Variants in OPA3 observed in about 807,000 individuals in gnomAD.
The protein encoded by OPA3 is optic atrophy 3 protein.
In OPA3, 6 loss-of-function variants were observed where a neutral mutation model predicts 4.0. The observed-to-expected ratio is 1.51, with a 90% CI of 0.83 to 2.99. OPA3 has a LOEUF of 2.99. OPA3 is among the 30% of genes most tolerant of loss of function. The pLI is 0.00. For synonymous variants in OPA3, 105 were observed against 117.1 expected, an observed-to-expected ratio of 0.90 and a Z score of 0.67; for missense variants, 235 against 256.2, an observed-to-expected ratio of 0.92 and a Z score of 0.56.
At chr19:45,583,835 C>A (rs2122527033) in intron 1 of OPA3, among the ~76,000 whole-genome samples, 1 of 152,288 alleles carries the variant, frequency 6.6e-6, no homozygotes, top group Admixed American at 6.5e-5. Context: ...CTCGGGCGGC[C>A]CCCTCTAGGC....
chr19:45,563,223 G>C (rs1340217011), intron 1 of OPA3, among the ~76,000 whole-genome samples: 1 of 152,084 alleles, frequency 6.6e-6, no homozygotes, highest in Non-Finnish European at 1.5e-5. Context: ...GCAGTGGCTC[G>C]ATCTTGGCTC....
intron 1 of OPA3, among the ~76,000 whole-genome samples, chr19:45,573,495 T>A (rs1438007188): frequency 6.6e-6 from 1 of 152,048 alleles, no homozygotes; most frequent in Non-Finnish European, 1.5e-5. Flanking sequence ...AATAAACATG[T>A]ACAGAGTACT....
At chr19:45,582,637 C>T (rs1969873497) in intron 1 of OPA3, among the ~76,000 whole-genome samples, 1 of 151,802 alleles carries the variant, frequency 6.6e-6, no homozygotes, top group Non-Finnish European at 1.5e-5. Context: ...CACAGGGAGT[C>T]GGAGCTGTCT....
rs779844856 is a variant in OPA3 at position 45,529,419 on chromosome 19, G to C, written c.180C>G (p.Ile60Met). 6 of 1,614,206 alleles carry C rather than the reference G, an allele frequency of 3.7e-6. No homozygotes were observed. In the South Asian group the frequency reaches 6.6e-5, roughly 18 times the overall value. The change falls in exon 2 of 2, where the codon ATC becomes ATG. Residue 60 changes from isoleucine (I) to methionine (M), a missense_variant. Ile to Met is a conservative substitution (Grantham distance 10). Coordinates refer to the OPA3 transcript ENST00000323060. Reference sequence around the variant, plus strand: ...TGATGGCAGCGGCATTGAAACCCATGATGCGCATTTTGGTCCGCATCTCCA... The same window carrying C: ...TGATGGCAGCGGCATTGAAACCCATCATGCGCATTTTGGTCCGCATCTCCA...
Position 45,564,792 on chromosome 19 carries a change from A to C in OPA3, c.143-10881T>G, listed in dbSNP as rs1390964435. ...TTGCATTGTTCCCTGCTATCTTTGA[A>C]GTTCCACCTACATTTTACTTTCTCT... On this transcript the variant is annotated intron_variant, in intron 1 of 1. Coordinates refer to ENST00000263275, the MANE Select transcript of OPA3 (RefSeq NM_025136.4). Among the ~76,000 whole-genome samples, 3 of 152,342 alleles carry C rather than the reference A, an allele frequency of 2.0e-5. No individual in the cohort carries two copies. In the East Asian group the frequency reaches 5.8e-4, roughly 29 times the overall value.
At position 45,553,152 on chromosome 19, in the gene OPA3, A is replaced by G. The variant is rs73942919; in HGVS notation, c.*362T>C. On this transcript the variant is annotated 3_prime_UTR_variant, in exon 2 of 2. Coordinates refer to ENST00000263275, the MANE Select transcript of OPA3 (RefSeq NM_025136.4). ...GATGAGTGTCCCAGTAAAGGTTAAC[A>G]CTGATCAGGTAAACCGGGGGTGGGG... The G allele has an allele frequency of 1.0e-3, 1,287 of 1,242,134 alleles. 9 individuals carry two copies. The African/African-American group carries it at 0.018, about 17-fold the overall frequency. 76.9% of individuals were successfully genotyped at this position (1,242,134 alleles called of 1,614,324 possible).
At chr19:45,582,576 G>A (rs2122524285) in intron 1 of OPA3, among the ~76,000 whole-genome samples, 1 of 152,216 alleles carries the variant, frequency 6.6e-6, no homozygotes, top group South Asian at 2.1e-4. Flanking sequence ...ATAACTTGAT[G>A]GGTGAGGGGA....
intron 1 of OPA3, among the ~76,000 whole-genome samples, chr19:45,556,939 CT>C (rs1192828385): frequency 6.6e-6 from 1 of 152,216 alleles, no homozygotes; most frequent in East Asian, 1.9e-4. Flanking sequence ...CAATGACAGC[CT>C]GCCCCAAGGC....
intron 1 of OPA3, chr19:45,584,286 C>G (rs887432170): frequency 2.1e-6 from 2 of 963,630 alleles, no homozygotes; most frequent in Non-Finnish European, 2.5e-6. Context: ...CTCCTCAGCC[C>G]CTCCCCTAGC....
At chr19:45,554,466 G>T (rs1254346692) in intron 1 of OPA3, among the ~76,000 whole-genome samples, 2 of 152,184 alleles carry the variant, frequency 1.3e-5, no homozygotes, top group African/African-American at 4.8e-5. Flanking sequence ...TGAAGGTGCA[G>T]CTAAGAGCTG....
chr19:45,580,824 G>C (rs375897489), intron 1 of OPA3, among the ~76,000 whole-genome samples: 2 of 151,748 alleles, frequency 1.3e-5, no homozygotes, highest in African/African-American at 4.8e-5. Flanking sequence ...CACCATGTTG[G>C]CCAGGCTGGT....
At chr19:45,541,578 T>C (rs1969186122), downstream of OPA3, among the ~76,000 whole-genome samples, 2 of 152,084 alleles carry the variant, frequency 1.3e-5, no homozygotes, top group Admixed American at 1.3e-4. Flanking sequence ...AGAAATTTTT[T>C]TTTGGAGAAA....
Position 45,576,637 on chromosome 19 carries a change from C to T in OPA3, c.142+7986G>A, listed in dbSNP as rs1308848307. ...TTTCTGAAGTCTCCAGTGGAGAATC[C>T]ATCTCCTCGGCTTTTCCAGCTTCCA... On this transcript the variant is annotated intron_variant, in intron 1 of 1. Coordinates refer to ENST00000263275, the MANE Select transcript of OPA3 (RefSeq NM_025136.4). Among the ~76,000 whole-genome samples the T allele has an allele frequency of 2.0e-5, 3 of 151,784 alleles. No homozygotes were observed. In the East Asian group the frequency reaches 5.8e-4, roughly 29 times the overall value.
At chr19:45,577,769 T>A (rs893468797) in intron 1 of OPA3, among the ~76,000 whole-genome samples, 6 of 151,434 alleles carry the variant, frequency 4.0e-5, no homozygotes, top group African/African-American at 1.5e-4. Context: ...GCACCTCGAG[T>A]CTGTGGTGTT....
At chr19:45,560,674 A>G (rs970839154) in intron 1 of OPA3, among the ~76,000 whole-genome samples, 2 of 151,908 alleles carry the variant, frequency 1.3e-5, no homozygotes, top group African/African-American at 4.8e-5. Flanking sequence ...TCAGGGCACC[A>G]TTTCCTAAGC....
At position 45,582,603 on chromosome 19, in the gene OPA3, G is replaced by A. The variant is rs187906532; in HGVS notation, c.142+2020C>T. Among the ~76,000 whole-genome samples, 274 of 152,246 alleles carry A rather than the reference G, an allele frequency of 1.8e-3. 2 individuals are homozygous for A. The highest frequency in any genetic ancestry group is 6.3e-3 in the African/African-American group (261 of 41,550). On this transcript the variant is annotated intron_variant, in intron 1 of 1. Coordinates refer to ENST00000263275, the MANE Select transcript of OPA3 (RefSeq NM_025136.4). ...GTGAGGGGAAGCCAGTGAGCCAGGA[G>A]TGCTGATTGGTCAGAGATGAAATCA...
chr19:45,558,167 G>C (rs1305091452), intron 1 of OPA3, among the ~76,000 whole-genome samples: 3 of 151,840 alleles, frequency 2.0e-5, no homozygotes, highest in African/African-American at 7.3e-5. Context: ...CCCATCTCCA[G>C]TAAAAATACA....
chr19:45,538,291 T>A (rs933120422), intron 1 of OPA3, among the ~76,000 whole-genome samples: 1 of 151,966 alleles, frequency 6.6e-6, no homozygotes, highest in African/African-American at 2.4e-5. Flanking sequence ...TGTGGTGGTG[T>A]ATGCCTGTGG....
chr19:45,548,572 G>A lies in OPA3; in HGVS notation c.*4942C>T. 2 of 985,388 alleles carry A rather than the reference G, an allele frequency of 2.0e-6. No homozygotes were observed. Among genetic ancestry groups the A allele is most frequent in the Non-Finnish European group, 2.4e-6 (2 of 829,914 alleles). The allele number at this position is 985,388 out of a possible 1,614,324, so 61.0% of individuals were successfully genotyped here. A position where few individuals can be genotyped will look rare whatever the true frequency, so the allele number is the denominator to read the frequency against. ...ATCTGTAAGACCCGGTGACGGCAGG[G>A]CTGGGGCTGTCTCTGTCACCACTGT... On this transcript the variant is annotated 3_prime_UTR_variant, in exon 2 of 2. Coordinates refer to ENST00000263275, the MANE Select transcript of OPA3 (RefSeq NM_025136.4).
Sources: gnomAD v4.1 joint callset for allele counts (sites outside exome capture counted in the v4.1 genomes callset) on GRCh38, gnomAD v4.1.1 for gene constraint, MANE v1.5 for transcripts, NCBI Gene and HGNC (gene_info 2026-07-23, HGNC 2026-07-21) for gene names.